Variants in CCSER1 observed in about 807,000 individuals in gnomAD.
CCSER1 encodes serine-rich coiled-coil domain-containing protein 1.
Under a neutral mutation model 82.0 loss-of-function variants are expected in CCSER1, and 41 were observed. The observed-to-expected ratio is 0.50, with a 90% confidence interval of 0.39 to 0.65. The LOEUF (loss-of-function observed/expected upper bound fraction) is 0.65, where lower values mean the gene tolerates loss of function less well. Among genes scored for constraint, CCSER1 ranks in the 30% least tolerant of loss-of-function variants. The pLI, the probability that CCSER1 is intolerant of heterozygous loss-of-function variation, is 0.00. For missense variants in CCSER1, 1,119 were observed against 1,064.2 expected (o/e 1.05, Z -0.72); for synonymous variants, 414 against 383.9 (o/e 1.08, Z -0.92).
At chr4:91,563,497 T>C (rs919937524) in intron 10 of CCSER1, among the ~76,000 whole-genome samples, 2 of 151,604 alleles carry the variant, frequency 1.3e-5, no homozygotes, top group Admixed American at 6.6e-5. Context: ...CAAAACTCTC[T>C]GCAAATTAGA....
At chr4:90,646,342 T>C (rs1223075347) in intron 6 of CCSER1, among the ~76,000 whole-genome samples, 1 of 152,168 alleles carries the variant, frequency 6.6e-6, no homozygotes, top group African/African-American at 2.4e-5. Context: ...GGAACATACA[T>C]GAGTGCAAGT....
chr4:90,643,525 G>A (rs1726951768), intron 6 of CCSER1, among the ~76,000 whole-genome samples: 1 of 152,172 alleles, frequency 6.6e-6, no homozygotes, highest in Non-Finnish European at 1.5e-5. Flanking sequence ...TCAGTAGGTT[G>A]GGGATAACAG....
chr4:90,209,612 T>C (rs901913349), intron 1 of CCSER1, among the ~76,000 whole-genome samples: 8 of 152,278 alleles, frequency 5.3e-5, no homozygotes, highest in South Asian at 2.1e-4. Flanking sequence ...CTAATTTTAT[T>C]TGAGAACAAT....
rs141112828 is a variant in CCSER1, at chr4:91,144,196, A to T, written c.2217+58202A>T. Among the ~76,000 whole-genome samples the T allele has an allele frequency of 9.9e-5, 15 of 151,980 alleles. No individual in the cohort carries two copies. In the East Asian group the frequency reaches 2.7e-3, roughly 27 times the overall value. On this transcript the variant is annotated intron_variant, in intron 10 of 10. Coordinates refer to ENST00000509176, the MANE Select transcript of CCSER1 (RefSeq NM_001145065.2). ...CTTCTTGATTCAATATTTGTTGGTC[A>T]TGTGTTTCCAGGAATTTATCCATTT... is the stretch of plus-strand genomic sequence containing the variant.
At chr4:91,419,770 T>A (rs1753588516) in intron 10 of CCSER1, among the ~76,000 whole-genome samples, 1 of 152,002 alleles carries the variant, frequency 6.6e-6, no homozygotes, top group Non-Finnish European at 1.5e-5. Flanking sequence ...AAGAAAAATC[T>A]GGAGACATCA....
At chr4:90,584,020 C>T (rs953920671) in intron 5 of CCSER1, among the ~76,000 whole-genome samples, 5 of 151,782 alleles carry the variant, frequency 3.3e-5, no homozygotes, top group Admixed American at 1.3e-4. Flanking sequence ...TCAAATGTCA[C>T]GGTGGTATGC....
chr4:91,179,655 G>A (rs1733798554), intron 10 of CCSER1, among the ~76,000 whole-genome samples: 1 of 152,190 alleles, frequency 6.6e-6, no homozygotes, highest in East Asian at 1.9e-4. Context: ...AGCTCCACGA[G>A]GTCATTTAAT....
At chr4:91,384,813 A>C (rs963142753) in intron 10 of CCSER1, among the ~76,000 whole-genome samples, 1 of 152,102 alleles carries the variant, frequency 6.6e-6, no homozygotes, top group African/African-American at 2.4e-5. Flanking sequence ...GGAAGATACA[A>C]ATAGGCAGTA....
chr4:90,574,309 T>C (rs10029333), intron 5 of CCSER1, among the ~76,000 whole-genome samples: 14,369 of 136,518 alleles, frequency 0.11, 2,257 homozygotes, highest in African/African-American at 0.35. Flanking sequence ...TCGCACAGGC[T>C]GGACTGCGGA....
At position 90,313,042 on chromosome 4, in the gene CCSER1, A is replaced by G. The variant is rs1237485465; in HGVS notation, c.1504A>G (p.Ser502Gly). 1 of 1,594,008 alleles carries G rather than the reference A, an allele frequency of 6.3e-7. No individual in the cohort carries two copies. Among genetic ancestry groups the G allele is most frequent in the African/African-American group, 1.3e-5 (1 of 74,584 alleles). The change falls in exon 3 of 11, where the codon AGT (serine) becomes GGT (glycine). Residue 502 changes from serine to glycine, a missense_variant. Coordinates refer to ENST00000509176, the MANE Select transcript of CCSER1 (RefSeq NM_001145065.2). ...AGGTTCTTCATCTTCAAAAATGAACAGTTTGGTAAGTATATACATATGTCT... is the reference window on the plus strand; with the variant it reads ...AGGTTCTTCATCTTCAAAAATGAACGGTTTGGTAAGTATATACATATGTCT... Reference protein sequence around the residue: ...RAGSSSSKMNSLDVLNNLGSC... With the variant: ...RAGSSSSKMNGLDVLNNLGSC...
At chr4:90,754,967 A>G (rs1356644025) in intron 7 of CCSER1, among the ~76,000 whole-genome samples, 3 of 152,158 alleles carry the variant, frequency 2.0e-5, no homozygotes, top group Non-Finnish European at 2.9e-5. Context: ...TAAAGACCCC[A>G]TTATAATCTA....
At chr4:90,822,663 G>A (rs1759903183) in intron 8 of CCSER1, among the ~76,000 whole-genome samples, 1 of 149,462 alleles carries the variant, frequency 6.7e-6, no homozygotes, top group Non-Finnish European at 1.5e-5. Context: ...GGGAGGCGGA[G>A]GCTGCAGTGA....
chr4:90,848,963 C>T lies in CCSER1; in HGVS notation c.2094+33118C>T, dbSNP rs187182899. 2.7e-3 allele frequency among the ~76,000 whole-genome samples: 414 copies of T among 152,356 alleles called. 2 individuals are homozygous for T. The highest frequency in any genetic ancestry group is 4.6e-3 in the Non-Finnish European group (315 of 68,044). Reference sequence around the variant, plus strand: ...TTGTAAGTTTTCTGGGGCTTCGCCTCCCATGCAGAACTGTGAGTCAATTAA... The same window carrying T: ...TTGTAAGTTTTCTGGGGCTTCGCCTTCCATGCAGAACTGTGAGTCAATTAA... On this transcript the variant is annotated intron_variant, in intron 8 of 10. Transcript: ENST00000509176.
At chr4:91,259,009 G>T (rs1448182631) in intron 10 of CCSER1, among the ~76,000 whole-genome samples, 1 of 152,066 alleles carries the variant, frequency 6.6e-6, no homozygotes, top group Non-Finnish European at 1.5e-5. Context: ...GTATAAAAAT[G>T]AAATCTAAAT....
At chr4:90,717,917 G>C (rs1741945945) in intron 6 of CCSER1, among the ~76,000 whole-genome samples, 1 of 151,696 alleles carries the variant, frequency 6.6e-6, no homozygotes, top group African/African-American at 2.4e-5. Flanking sequence ...GAACAATCAT[G>C]GCAAAACTTA....
intron 1 of CCSER1, among the ~76,000 whole-genome samples, chr4:90,156,786 T>C (rs866044225): frequency 6.8e-6 from 1 of 147,314 alleles, no homozygotes; most frequent in South Asian, 2.3e-4. Context: ...TGAGATGGGT[T>C]TCCTGAATAC....
chr4:90,493,523 G>A (rs530413314), intron 5 of CCSER1, among the ~76,000 whole-genome samples: 141 of 152,250 alleles, frequency 9.3e-4, no homozygotes, highest in African/African-American at 3.2e-3. Context: ...GAAAGGTCGG[G>A]TTACCCACAA....
chr4:91,084,310 A>G (rs1376397343), intron 9 of CCSER1, among the ~76,000 whole-genome samples: 4 of 152,148 alleles, frequency 2.6e-5, no homozygotes, highest in Admixed American at 6.6e-5. Context: ...GAAGACAGTA[A>G]TTACTATTTT....
At chr4:90,537,338 G>T (rs1775533603) in intron 5 of CCSER1, among the ~76,000 whole-genome samples, 1 of 151,486 alleles carries the variant, frequency 6.6e-6, no homozygotes, top group Non-Finnish European at 1.5e-5. Context: ...CGTTTTTAGG[G>T]GCTTCTTTCT....
Sources: allele counts gnomAD v4.1 joint callset (sites outside exome capture counted in the v4.1 genomes callset), GRCh38; gene constraint gnomAD v4.1.1; transcripts MANE v1.5; gene names NCBI Gene and HGNC (gene_info 2026-07-23, HGNC 2026-07-21).